Variants in ATXN1 observed in about 807,000 individuals in gnomAD.
ATXN1 encodes ataxin 1, also known as ataxin-1.
ATXN1 carries 8 observed loss-of-function variants against 56.4 expected under a neutral mutation model. The ratio of observed to expected loss-of-function variants is 0.14; its 90% CI spans 0.08 to 0.26. ATXN1 has a LOEUF of 0.26. Among genes scored for constraint, ATXN1 ranks in the 10% least tolerant of loss-of-function variants. The pLI is 1.00. For synonymous variants in ATXN1, 514 were observed against 494.6 expected (o/e 1.04, Z -0.52); for missense variants, 987 against 1,106.5 (o/e 0.89, Z 1.53).
Position 16,750,611 on chromosome 6 carries a change from CTT to C in ATXN1, c.-615+2620_-615+2621del, listed in dbSNP as rs375030509. On this transcript the variant is annotated intron_variant, in intron 2 of 7. Transcript: ENST00000436367. ...TGTCAGCGCTTAAAATTCAAGGTGACTTTGCGCTACTTCGTCAGTATTTTAGT... is the reference window on the plus strand; with the variant it reads ...TGTCAGCGCTTAAAATTCAAGGTGACTGCGCTACTTCGTCAGTATTTTAGT... 2.6e-4 allele frequency among the ~76,000 whole-genome samples: 40 copies of C among 152,316 alleles called. 1 individual carries two copies. Among genetic ancestry groups the C allele is most frequent in the African/African-American group, 9.1e-4 (38 of 41,574 alleles).
At chr6:16,362,843 C>T (rs558505450) in intron 6 of ATXN1, among the ~76,000 whole-genome samples, 45 of 152,302 alleles carry the variant, frequency 3.0e-4, no homozygotes, top group African/African-American at 1.1e-3. Context: ...GTGCCTACTA[C>T]ATATTAGTGA....
intron 7 of ATXN1, among the ~76,000 whole-genome samples, chr6:16,308,196 G>A (rs1760299983): frequency 6.6e-6 from 1 of 152,082 alleles, no homozygotes; most frequent in Non-Finnish European, 1.5e-5. Flanking sequence ...TGTGGTGGCA[G>A]GCGCCTATAA....
chr6:16,476,993 G>A (rs1224749210), intron 6 of ATXN1, among the ~76,000 whole-genome samples: 1 of 152,222 alleles, frequency 6.6e-6, no homozygotes, highest in Non-Finnish European at 1.5e-5. Flanking sequence ...CGGTCATTGA[G>A]ACTACAAAAA....
intron 3 of ATXN1, among the ~76,000 whole-genome samples, chr6:16,594,490 TATTTA>T (rs1762780291): frequency 2.6e-5 from 4 of 151,068 alleles, no homozygotes; most frequent in African/African-American, 7.3e-5. Flanking sequence ...TTTTTTTATT[TATTTA>T]TTTTTTGAGA....
chr6:16,343,731 G>A (rs745861252), intron 6 of ATXN1, among the ~76,000 whole-genome samples: 6 of 152,110 alleles, frequency 3.9e-5, no homozygotes, highest in South Asian at 2.1e-4. Context: ...AAACCTTGAC[G>A]ATGCGCGGCC....
At chr6:16,549,201 T>A (rs1377218921) in intron 4 of ATXN1, among the ~76,000 whole-genome samples, 2 of 151,938 alleles carry the variant, frequency 1.3e-5, no homozygotes. Flanking sequence ...AAAACAATGA[T>A]CAAAAGTATA....
chr6:16,346,894 G>A (rs868832991), intron 6 of ATXN1, among the ~76,000 whole-genome samples: 10 of 152,358 alleles, frequency 6.6e-5, no homozygotes, highest in South Asian at 4.1e-4. Flanking sequence ...AGAGGCGTGG[G>A]TGGGAACCCG....
chr6:16,348,042 T>G (rs1761468304), intron 6 of ATXN1, among the ~76,000 whole-genome samples: 1 of 152,192 alleles, frequency 6.6e-6, no homozygotes, highest in Non-Finnish European at 1.5e-5. Context: ...CATGCCGCTT[T>G]AAGAACTGTA....
At chr6:16,491,277 ATTT>A (rs57395401) in intron 5 of ATXN1, among the ~76,000 whole-genome samples, 5,692 of 132,094 alleles carry the variant, frequency 0.043, 434 homozygotes, top group African/African-American at 0.15. Flanking sequence ...TATTATTATT[ATTT>A]TTTTTTTTTT....
chr6:16,465,166 C>T (rs1760078544), intron 6 of ATXN1, among the ~76,000 whole-genome samples: 2 of 152,198 alleles, frequency 1.3e-5, no homozygotes, highest in Admixed American at 1.3e-4. Flanking sequence ...TGGAATTAAT[C>T]AGGCAAGGTG....
intron 4 of ATXN1, among the ~76,000 whole-genome samples, chr6:16,529,835 G>A (rs559467158): frequency 2.6e-5 from 4 of 152,124 alleles, no homozygotes; most frequent in South Asian, 2.1e-4. Context: ...AATTTTTGTC[G>A]TACTCATCTT....
At chr6:16,384,349 A>G (rs1203629922) in intron 6 of ATXN1, among the ~76,000 whole-genome samples, 3 of 152,266 alleles carry the variant, frequency 2.0e-5, no homozygotes, top group African/African-American at 7.2e-5. Flanking sequence ...ACCATGAGAT[A>G]TGAGATGGAA....
At chr6:16,602,447 C>T (rs1188337861) in intron 3 of ATXN1, among the ~76,000 whole-genome samples, 1 of 151,744 alleles carries the variant, frequency 6.6e-6, no homozygotes, top group Non-Finnish European at 1.5e-5. Flanking sequence ...CAGTGAGCAG[C>T]CAAAATTCTT....
chr6:16,640,945 C>A (rs1216605994), intron 3 of ATXN1, among the ~76,000 whole-genome samples: 1 of 152,180 alleles, frequency 6.6e-6, no homozygotes, highest in Non-Finnish European at 1.5e-5. Flanking sequence ...CTCCAGTGAA[C>A]TCATCAATGG....
rs188225922 is a variant in ATXN1, at chr6:16,718,626, T to C, written c.-615+34607A>G. ...ATCCAACTAGGAATTAAATATATTA[T>C]GCTCTTTGGTAAATTATCAAAATGT... On this transcript the variant is annotated intron_variant, in intron 2 of 7. Coordinates refer to ENST00000436367, the MANE Select transcript of ATXN1 (RefSeq NM_001128164.2). Among the ~76,000 whole-genome samples the C allele has an allele frequency of 3.8e-3, 576 of 152,380 alleles. 3 individuals carry two copies. Among genetic ancestry groups the C allele is most frequent in the African/African-American group, 0.013 (533 of 41,584 alleles).
At chr6:16,497,013 T>C (rs571176982) in intron 5 of ATXN1, among the ~76,000 whole-genome samples, 1 of 152,336 alleles carries the variant, frequency 6.6e-6, no homozygotes, top group East Asian at 1.9e-4. Flanking sequence ...CACTGCTTAA[T>C]TGTTTTGTCG....
intron 3 of ATXN1, among the ~76,000 whole-genome samples, chr6:16,602,482 C>T (rs771496901): frequency 2.7e-5 from 4 of 149,022 alleles, no homozygotes; most frequent in African/African-American, 2.5e-5. Flanking sequence ...GATGGAGTCT[C>T]GCTCTGTGAC....
chr6:16,351,668 G>T (rs1403633471), intron 6 of ATXN1, among the ~76,000 whole-genome samples: 1 of 152,148 alleles, frequency 6.6e-6, no homozygotes, highest in Non-Finnish European at 1.5e-5. Flanking sequence ...CTCCCAAAGT[G>T]TTGGGATAAC....
chr6:16,326,359 GTGTCCCATCCC>G lies in ATXN1; in HGVS notation c.1917+24_1917+34del. On this transcript the variant is annotated intron_variant, in intron 7 of 7. Transcript: ENST00000436367. The surrounding 1 kb of genome is among the most constrained non-coding windows in gnomAD (Gnocchi z 6.6). Reference sequence around the variant, plus strand: ...GAGATGATGATGGCATCACGGTGTGGTGTCCCATCCCTGTGCCACCCTGGCTAACGTTACCT... The same window carrying G: ...GAGATGATGATGGCATCACGGTGTGGTGTGCCACCCTGGCTAACGTTACCT... 1 of 1,606,658 alleles carries G rather than the reference GTGTCCCATCCC, an allele frequency of 6.2e-7. No homozygotes were observed. The highest frequency in any genetic ancestry group is 1.1e-5 in the South Asian group (1 of 90,918).
Sources: allele counts gnomAD v4.1 joint callset (sites outside exome capture counted in the v4.1 genomes callset), GRCh38; gene constraint gnomAD v4.1.1; non-coding constraint Gnocchi (gnomAD v3.1); transcripts MANE v1.5; gene names NCBI Gene and HGNC (gene_info 2026-07-23, HGNC 2026-07-21).